Variants in EHD1 observed in about 807,000 individuals in gnomAD.
The protein encoded by EHD1 is EH domain-containing protein 1.
In EHD1, 19 loss-of-function variants were observed where a neutral mutation model predicts 39.0. The observed-to-expected ratio is 0.49, with a 90% CI of 0.34 to 0.72. The LOEUF (loss-of-function observed/expected upper bound fraction) is 0.72, where lower values mean the gene tolerates loss of function less well. Ranked by LOEUF, EHD1 falls within the 30% of genes least tolerant of loss-of-function variation. The probability of loss-of-function intolerance (pLI) is 0.01; values close to 1 mark genes in which losing one functional copy is unlikely to be tolerated. For synonymous variants in EHD1, 323 were observed against 331.2 expected (o/e 0.98, Z 0.27); for missense variants, 542 against 751.5 (o/e 0.72, Z 3.26).
chr11:64,854,083 A>C lies in EHD1; in HGVS notation c.*250T>G. ...CTGGCACACAGGGGAGGCGGCGACA[A>C]AGAACGCAGCCTCTAACGTTATATA... On this transcript the variant is annotated 3_prime_UTR_variant, in exon 5 of 5. Transcript: ENST00000320631. 1.5e-6 allele frequency: 1 copy of C among 666,384 alleles called. No individual in the cohort carries two copies. Among genetic ancestry groups the C allele is most frequent in the South Asian group, 2.0e-5 (1 of 49,618 alleles). The allele number at this position is 666,384 out of a possible 1,614,324, so 41.3% of individuals were successfully genotyped here.
chr11:64,854,781 A>G lies in EHD1; in HGVS notation c.1157T>C (p.Leu386Pro). 3.7e-6 allele frequency: 6 copies of G among 1,606,652 alleles called. No homozygotes were observed. The highest frequency in any genetic ancestry group is 5.1e-6 in the Non-Finnish European group (6 of 1,180,002). ...CATCAGCCGCGCGATGTCGTTGGCCAGCATGTCATCCACCGTGTCCAGCAG... is the reference window on the plus strand; with the variant it reads ...CATCAGCCGCGCGATGTCGTTGGCCGGCATGTCATCCACCGTGTCCAGCAG... ...PKLLDTVDDM[L>P]ANDIARLMVM... The change falls in exon 5 of 5, where the codon CTG becomes CCG. Residue 386 changes from leucine to proline, a missense_variant. Leu to Pro is a moderately conservative substitution (Grantham distance 98, BLOSUM62 -3). Transcript: ENST00000320631.
chr11:64,874,409 A>G lies in EHD1; in HGVS notation c.502+12T>C. The stretch of plus-strand genomic sequence containing the variant: ...AACACCAGCAGCCCGAGCTGTGGTC[A>G]CAGCTGTTTACCTCTGCTGATCCGC... On this transcript the variant is annotated intron_variant, in intron 2 of 4. Transcript: ENST00000320631. 6.3e-7 allele frequency: 1 copy of G among 1,582,212 alleles called. No homozygotes were observed. The highest frequency in any genetic ancestry group is 1.2e-5 in the South Asian group (1 of 86,660).
chr11:64,862,160 G>A (rs1183978810), intron 2 of EHD1, among the ~76,000 whole-genome samples: 1 of 152,152 alleles, frequency 6.6e-6, no homozygotes, highest in African/African-American at 2.4e-5. Context: ...TCCCGCCTTG[G>A]CCTCCCAAAG....
At chr11:64,865,108 G>A (rs1283468772) in intron 2 of EHD1, among the ~76,000 whole-genome samples, 1 of 152,212 alleles carries the variant, frequency 6.6e-6, no homozygotes, top group Non-Finnish European at 1.5e-5. Context: ...CAGAAAATGT[G>A]CTTTTGCTGT....
rs1280724518 is a variant in EHD1 at position 64,868,302 on chromosome 11, C to T, written c.502+6119G>A. Among the ~76,000 whole-genome samples the T allele has an allele frequency of 2.0e-5, 3 of 152,192 alleles. No homozygotes were observed. The highest frequency in any genetic ancestry group is 4.4e-5 in the Non-Finnish European group (3 of 68,038). ...GGGCTTGCTCAGGCTGAAGCTCCTC[C>T]GGAAGGGTTTTCCAGTGGAGCACAG... is the stretch of plus-strand genomic sequence containing the variant. On this transcript the variant is annotated intron_variant, in intron 2 of 4. Transcript: ENST00000320631. The surrounding 1 kb of genome is among the most constrained non-coding windows in gnomAD (Gnocchi z 4.2).
upstream of EHD1, chr11:64,878,635 C>G (rs1024044762): frequency 3.6e-6 from 5 of 1,405,826 alleles, no homozygotes; most frequent in Non-Finnish European, 4.6e-6. Context: ...GCGCACCCCT[C>G]GCGGAGCGGC....
chr11:64,863,499 G>A (rs1458644719), intron 2 of EHD1, among the ~76,000 whole-genome samples: 8 of 152,214 alleles, frequency 5.3e-5, no homozygotes, highest in African/African-American at 1.9e-4. Flanking sequence ...CTCCCACCCT[G>A]CAAAGCCCTC....
chr11:64,870,628 A>G (rs1455361135), intron 2 of EHD1, among the ~76,000 whole-genome samples: 1 of 152,214 alleles, frequency 6.6e-6, no homozygotes, highest in Non-Finnish European at 1.5e-5. Context: ...CTTAGTTCAC[A>G]GTTGCCTAGT....
intron 1 of EHD1, among the ~76,000 whole-genome samples, chr11:64,876,189 T>A (rs1228389259): frequency 6.6e-6 from 1 of 152,244 alleles, no homozygotes; most frequent in Non-Finnish European, 1.5e-5. Context: ...CTGCTCCAGC[T>A]GATTTTATTC....
At chr11:64,870,560 A>T (rs1373526155) in intron 2 of EHD1, among the ~76,000 whole-genome samples, 1 of 152,240 alleles carries the variant, frequency 6.6e-6, no homozygotes, top group Non-Finnish European at 1.5e-5. Context: ...AAGTAGAAAC[A>T]CTACCCTGCT....
At chr11:64,859,036 C>A (rs1943684725) in intron 3 of EHD1, among the ~76,000 whole-genome samples, 1 of 152,330 alleles carries the variant, frequency 6.6e-6, no homozygotes, top group Non-Finnish European at 1.5e-5. Context: ...TCCTGCCAGG[C>A]CCCCCCAGCC....
chr11:64,879,079 G>A, upstream of EHD1: 1 of 999,818 alleles, frequency 1.0e-6, no homozygotes, highest in South Asian at 4.3e-5. Context: ...AAGCATCGGA[G>A]TACCCCCAGG....
intron 1 of EHD1, among the ~76,000 whole-genome samples, chr11:64,875,365 A>G (rs1943874073): frequency 6.6e-6 from 1 of 152,252 alleles, no homozygotes; most frequent in Non-Finnish European, 1.5e-5. Context: ...AGCCTGGCCA[A>G]CATGGTGAAA....
At chr11:64,863,267 AAAC>A (rs1943733831) in intron 2 of EHD1, among the ~76,000 whole-genome samples, 1 of 152,208 alleles carries the variant, frequency 6.6e-6, no homozygotes, top group South Asian at 2.1e-4. Context: ...TCTCCATGAA[AAAC>A]ACCACCCTCT....
chr11:64,877,521 C>A (rs1301606135), intron 1 of EHD1, among the ~76,000 whole-genome samples: 1 of 152,206 alleles, frequency 6.6e-6, no homozygotes, highest in East Asian at 1.9e-4. Flanking sequence ...CAAGGGGCTG[C>A]CCCAAAGTCA....
chr11:64,870,955 G>A (rs1010144138), intron 2 of EHD1, among the ~76,000 whole-genome samples: 13 of 152,184 alleles, frequency 8.5e-5, no homozygotes, highest in African/African-American at 2.9e-4. Context: ...CGTCCCTGAG[G>A]CAGTCCTCAG....
intron 2 of EHD1, among the ~76,000 whole-genome samples, chr11:64,862,362 C>T (rs544090816): frequency 6.6e-6 from 1 of 152,322 alleles, no homozygotes; most frequent in South Asian, 2.1e-4. Flanking sequence ...CAGCTGGATT[C>T]ATGGCCTCCC....
chr11:64,855,753 C>T, intron 3 of EHD1: 1 of 489,438 alleles, frequency 2.0e-6, no homozygotes, highest in African/African-American at 1.9e-5. Flanking sequence ...ACAGCCTTGG[C>T]CTTGCACGGA....
chr11:64,878,671 C>G, upstream of EHD1: 2 of 1,328,534 alleles, frequency 1.5e-6, no homozygotes. Context: ...CCCTCAGTGG[C>G]GGCTAGCGCC....
Sources: gnomAD v4.1 joint callset for allele counts (sites outside exome capture counted in the v4.1 genomes callset) on GRCh38, gnomAD v4.1.1 for gene constraint, Gnocchi (gnomAD v3.1) non-coding constraint, MANE v1.5 for transcripts, NCBI Gene and HGNC (gene_info 2026-07-23, HGNC 2026-07-21) for gene names.